The following RBFOX1 variants were observed in gnomAD, a reference collection of about 807,000 sequenced individuals.
RBFOX1 encodes RNA binding fox-1 homolog 1, also known as RNA binding protein fox-1 homolog 1.
In RBFOX1, 8 loss-of-function variants were observed where a neutral mutation model predicts 57.7. That is an observed-to-expected ratio of 0.14 (90% CI 0.08 to 0.25). The LOEUF (loss-of-function observed/expected upper bound fraction) is 0.25, where lower values mean the gene tolerates loss of function less well. Among genes scored for constraint, RBFOX1 ranks in the 10% least tolerant of loss-of-function variants. The pLI is 1.00. For missense variants in RBFOX1, 611 were observed against 548.5 expected (o/e 1.11, Z -1.14); for synonymous variants, 326 against 222.4 (o/e 1.47, Z -4.15).
chr16:6,605,793 A>C (rs2097917410), intron 2 of RBFOX1, among the ~76,000 whole-genome samples: 1 of 152,116 alleles, frequency 6.6e-6, no homozygotes, highest in Non-Finnish European at 1.5e-5. Context: ...AACACACGGG[A>C]AACTATACTT....
chr16:5,588,945 CAA>C (rs2046920624), intron 2 of RBFOX1, among the ~76,000 whole-genome samples: 1 of 152,234 alleles, frequency 6.6e-6, no homozygotes, highest in South Asian at 2.1e-4. Context: ...TTTGCAGAAA[CAA>C]AGAGTTGAGG....
At chr16:5,609,532 G>A (rs971198835) in intron 3 of RBFOX1, among the ~76,000 whole-genome samples, 15 of 152,196 alleles carry the variant, frequency 9.9e-5, no homozygotes, top group African/African-American at 3.6e-4. Context: ...AGTAGTGGCA[G>A]GTGTCAAGCA....
chr16:6,973,739 C>T (rs933040909), intron 3 of RBFOX1, among the ~76,000 whole-genome samples: 1 of 152,128 alleles, frequency 6.6e-6, no homozygotes, highest in Non-Finnish European at 1.5e-5. Flanking sequence ...TTTTGGCGAG[C>T]ATAACTGCAC....
intron 4 of RBFOX1, among the ~76,000 whole-genome samples, chr16:5,890,817 T>G (rs1277678380): frequency 6.6e-6 from 1 of 152,040 alleles, no homozygotes; most frequent in African/African-American, 2.4e-5. Context: ...CTAAGAGGGT[T>G]AAATGGAATG....
intron 2 of RBFOX1, among the ~76,000 whole-genome samples, chr16:6,605,358 T>C (rs2097911955): frequency 6.6e-6 from 1 of 152,208 alleles, no homozygotes; most frequent in Non-Finnish European, 1.5e-5. Context: ...TGGCATTTGT[T>C]TCATTGCTGT....
At chr16:7,607,184 C>T in intron 9 of RBFOX1, 101 bp from the exon 10 acceptor site, 1 of 1,071,392 alleles carries the variant, frequency 9.3e-7, no homozygotes, top group African/African-American at 1.6e-5. Flanking sequence ...TTTTAAAATA[C>T]AAAATGAGAT....
intron 2 of RBFOX1, among the ~76,000 whole-genome samples, chr16:6,563,878 A>G (rs1423886152): frequency 2.0e-5 from 3 of 150,704 alleles, no homozygotes; most frequent in African/African-American, 4.9e-5. Context: ...ATGTATATGT[A>G]TGTGTGTGTG....
At chr16:7,124,673 C>G (rs1343023796) in intron 4 of RBFOX1, among the ~76,000 whole-genome samples, 1 of 150,864 alleles carries the variant, frequency 6.6e-6, no homozygotes, top group Non-Finnish European at 1.5e-5. Flanking sequence ...AAAACGTGAA[C>G]CTCACAATAC....
rs2071308424 is a variant in RBFOX1, at chr16:6,739,159, T to G, written c.-16+84509T>G. ...AAAATTGGAGCAAAAGTCAATGAAA[T>G]TGAAAACAGAAAAACAAGAGAGAAA... On this transcript the variant is annotated intron_variant, in intron 3 of 15. Coordinates refer to ENST00000550418, the MANE Select transcript of RBFOX1 (RefSeq NM_018723.4). Among the ~76,000 whole-genome samples the G allele has an allele frequency of 2.7e-5, 4 of 150,048 alleles. No individual in the cohort carries two copies. The South Asian group carries it at 8.4e-4, about 31-fold the overall frequency.
chr16:7,026,092 T>TG (rs2040837853), intron 3 of RBFOX1, among the ~76,000 whole-genome samples: 1 of 152,102 alleles, frequency 6.6e-6, no homozygotes, highest in African/African-American at 2.4e-5. Flanking sequence ...GCTTGCTATG[T>TG]GGGCAGGACT....
chr16:7,488,957 A>G (rs565419151), intron 4 of RBFOX1, among the ~76,000 whole-genome samples: 1 of 152,332 alleles, frequency 6.6e-6, no homozygotes, highest in African/African-American at 2.4e-5. Context: ...CTATCTATGT[A>G]TACATTCATC....
intron 3 of RBFOX1, among the ~76,000 whole-genome samples, chr16:6,941,207 C>G (rs2078388538): frequency 6.7e-6 from 1 of 149,988 alleles, no homozygotes; most frequent in South Asian, 2.1e-4. Flanking sequence ...TATATATTCC[C>G]TTCCTTCCCT....
chr16:6,267,547 A>G (rs374347445), intron 1 of RBFOX1, among the ~76,000 whole-genome samples: 4 of 152,196 alleles, frequency 2.6e-5, no homozygotes, highest in African/African-American at 9.6e-5. Context: ...TTTCTTTAGC[A>G]GAGAAGCTAG....
At chr16:6,874,707 T>C (rs2061527490) in intron 3 of RBFOX1, among the ~76,000 whole-genome samples, 1 of 151,856 alleles carries the variant, frequency 6.6e-6, no homozygotes, top group South Asian at 2.1e-4. Context: ...TTCTCGCTTA[T>C]AAGTGGGAGC....
At chr16:5,985,505 G>A (rs960811781) in intron 4 of RBFOX1, among the ~76,000 whole-genome samples, 1 of 152,156 alleles carries the variant, frequency 6.6e-6, no homozygotes, top group Non-Finnish European at 1.5e-5. Flanking sequence ...GCTGGTATTA[G>A]GTTGGTGTAA....
intron 4 of RBFOX1, among the ~76,000 whole-genome samples, chr16:7,259,446 G>T (rs2094830071): frequency 6.6e-6 from 1 of 151,828 alleles, no homozygotes; most frequent in African/African-American, 2.4e-5. Context: ...TAGAGTTCAT[G>T]CCATTGCATA....
At chr16:6,649,398 C>G (rs1301019601) in intron 2 of RBFOX1, among the ~76,000 whole-genome samples, 3 of 152,138 alleles carry the variant, frequency 2.0e-5, no homozygotes, top group Non-Finnish European at 2.9e-5. Context: ...TTCTGGGGAA[C>G]AGGTGGTGTT....
chr16:5,266,666 G>A (rs2062866782), intron 1 of RBFOX1, among the ~76,000 whole-genome samples: 1 of 149,946 alleles, frequency 6.7e-6, no homozygotes, highest in South Asian at 2.1e-4. Flanking sequence ...TCCCACCTCA[G>A]CCCTCTGGAG....
At position 6,317,116 on chromosome 16, in the gene RBFOX1, T is replaced by C. The variant is rs890333573; in HGVS notation, c.-64+59T>C. 3.2e-5 allele frequency: 46 copies of C among 1,447,822 alleles called. No homozygotes were observed. The African/African-American group carries it at 5.9e-4, about 19-fold the overall frequency. The allele number at this position is 1,447,822 out of a possible 1,614,324, so 89.7% of individuals were successfully genotyped here. On this transcript the variant is annotated intron_variant, in intron 2 of 15. Transcript: ENST00000550418. The stretch of plus-strand genomic sequence containing the variant: ...AAATACATCCATGTCTTTGATCCTG[T>C]TCTCTCTGAAAAGCTCTTTTCTGCA...
Sources: allele counts gnomAD v4.1 joint callset (sites outside exome capture counted in the v4.1 genomes callset), GRCh38; gene constraint gnomAD v4.1.1; transcripts MANE v1.5; gene names NCBI Gene and HGNC (gene_info 2026-07-23, HGNC 2026-07-21).